The following STX8 variants were observed in gnomAD, a reference collection of about 807,000 sequenced individuals.
STX8 encodes the protein syntaxin 8.
A neutral mutation model predicts 37.5 loss-of-function variants in STX8; 23 were observed. That is an observed-to-expected ratio of 0.61 (90% CI 0.44 to 0.87). The LOEUF is 0.87. Ranked by LOEUF, STX8 falls within the 40% of genes least tolerant of loss-of-function variation. The probability of loss-of-function intolerance (pLI) is 0.00; values close to 1 mark genes in which losing one functional copy is unlikely to be tolerated. For missense variants in STX8, 313 were observed against 284.7 expected, an observed-to-expected ratio of 1.10 and a Z score of -0.71; for synonymous variants, 115 against 99.1, an observed-to-expected ratio of 1.16 and a Z score of -0.95.
chr17:9,397,988 C>CAAAAAAAAAAAAA (rs558392635), intron 6 of STX8, among the ~76,000 whole-genome samples: 1 of 87,080 alleles, frequency 1.1e-5, no homozygotes, highest in Admixed American at 1.2e-4. Flanking sequence ...ATTCTGTCTC[C>CAAAAAAAAAAAAA]AAAAAAAAAA....
At chr17:9,541,523 C>T (rs983708166) in intron 4 of STX8, among the ~76,000 whole-genome samples, 4 of 152,194 alleles carry the variant, frequency 2.6e-5, no homozygotes, top group African/African-American at 7.2e-5. Context: ...ATAGCAATCA[C>T]TTCATCTGGT....
intron 7 of STX8, among the ~76,000 whole-genome samples, chr17:9,303,439 T>C (rs754071024): frequency 6.6e-6 from 1 of 152,196 alleles, no homozygotes; most frequent in Non-Finnish European, 1.5e-5. Flanking sequence ...TCTGTTGTAG[T>C]ACCTTTACCC....
At chr17:9,490,396 G>A (rs1052342135) in intron 6 of STX8, among the ~76,000 whole-genome samples, 1 of 152,018 alleles carries the variant, frequency 6.6e-6, no homozygotes, top group African/African-American at 2.4e-5. Flanking sequence ...TTTTGAGACG[G>A]AGACTTGCTC....
intron 7 of STX8, among the ~76,000 whole-genome samples, chr17:9,287,058 C>A (rs1401174193): frequency 6.6e-6 from 1 of 152,154 alleles, no homozygotes; most frequent in Non-Finnish European, 1.5e-5. Flanking sequence ...GGTTATCTCT[C>A]CCCGCTCCCC....
chr17:9,570,378 ATACTG>A (rs1267553896), intron 1 of STX8, among the ~76,000 whole-genome samples: 1 of 152,064 alleles, frequency 6.6e-6, no homozygotes, highest in Non-Finnish European at 1.5e-5. Context: ...ACTAACCACT[ATACTG>A]TAAAGCAGCA....
chr17:9,429,963 A>G (rs1913854360), intron 6 of STX8, among the ~76,000 whole-genome samples: 1 of 1,822 alleles, frequency 5.5e-4, no homozygotes, highest in East Asian at 0.017. Context: ...TATAATATAT[A>G]TATTATATAT....
At chr17:9,450,089 T>C (rs934564625) in intron 6 of STX8, among the ~76,000 whole-genome samples, 2 of 151,814 alleles carry the variant, frequency 1.3e-5, no homozygotes, top group Non-Finnish European at 2.9e-5. Context: ...ACATGTAACT[T>C]TTTTTTTGAG....
intron 7 of STX8, among the ~76,000 whole-genome samples, chr17:9,299,635 G>C (rs929419106): frequency 8.6e-5 from 13 of 152,044 alleles, no homozygotes; most frequent in Admixed American, 6.6e-5. Context: ...AGTAGAGACA[G>C]GGTTTCACCG....
intron 5 of STX8, among the ~76,000 whole-genome samples, chr17:9,492,441 G>C (rs1648408596): frequency 6.6e-6 from 1 of 152,194 alleles, no homozygotes; most frequent in Non-Finnish European, 1.5e-5. Flanking sequence ...CTATGTAATA[G>C]GTGAATAAGT....
chr17:9,285,311 A>G (rs538655965), intron 7 of STX8, among the ~76,000 whole-genome samples: 4 of 152,254 alleles, frequency 2.6e-5, no homozygotes, highest in Non-Finnish European at 4.4e-5. Context: ...TGGTGGACGG[A>G]AACACTGTCT....
intron 7 of STX8, among the ~76,000 whole-genome samples, chr17:9,259,361 C>T (rs1906923216): frequency 6.6e-6 from 1 of 152,192 alleles, no homozygotes; most frequent in African/African-American, 2.4e-5. Flanking sequence ...CTAGTGGTCG[C>T]AGGTGCTCCG....
intron 5 of STX8, among the ~76,000 whole-genome samples, chr17:9,496,911 G>C (rs1261543717): frequency 1.3e-5 from 2 of 152,198 alleles, no homozygotes; most frequent in African/African-American, 2.4e-5. Context: ...CTAACTGCTT[G>C]ATCTGAGCCC....
intron 4 of STX8, among the ~76,000 whole-genome samples, chr17:9,524,763 TTTG>T (rs1905494809): frequency 8.5e-6 from 1 of 118,198 alleles, no homozygotes; most frequent in Non-Finnish European, 1.7e-5. Flanking sequence ...CCTATTTTGA[TTTG>T]TTTTGTTTTG....
intron 7 of STX8, among the ~76,000 whole-genome samples, chr17:9,320,730 T>TAA (rs34009379): frequency 1.4e-5 from 2 of 143,780 alleles, no homozygotes; most frequent in Admixed American, 7.0e-5. Context: ...TCATCTCTAT[T>TAA]AAAAAAAAAA....
intron 4 of STX8, among the ~76,000 whole-genome samples, chr17:9,543,298 T>TG (rs936375686): frequency 2.3e-4 from 6 of 25,786 alleles, no homozygotes; most frequent in Non-Finnish European, 3.2e-4. Flanking sequence ...GACAGTTTTT[T>TG]GGTTTTTTTT....
chr17:9,348,601 A>T (rs1910606144), intron 7 of STX8, among the ~76,000 whole-genome samples: 1 of 152,130 alleles, frequency 6.6e-6, no homozygotes, highest in Admixed American at 6.6e-5. Flanking sequence ...AATGAATCCA[A>T]TTCAAAGGCA....
At chr17:9,494,605 G>A (rs1907017039) in intron 5 of STX8, among the ~76,000 whole-genome samples, 1 of 70,442 alleles carries the variant, frequency 1.4e-5, no homozygotes, top group Non-Finnish European at 2.5e-5. Context: ...AACAGAGTGA[G>A]AACCTGTCTC....
chr17:9,291,221 A>C (rs1310094237), intron 7 of STX8, among the ~76,000 whole-genome samples: 1 of 152,034 alleles, frequency 6.6e-6, no homozygotes, highest in Admixed American at 6.6e-5. Flanking sequence ...GAAGCCGAAA[A>C]GTCACCCGAG....
chr17:9,517,003 G>T (rs1905177505), intron 4 of STX8, among the ~76,000 whole-genome samples: 1 of 152,120 alleles, frequency 6.6e-6, no homozygotes, highest in African/African-American at 2.4e-5. Context: ...ATCTTGGTGG[G>T]AGAAAGCAGA....
Sources: allele counts gnomAD v4.1 joint callset (sites outside exome capture counted in the v4.1 genomes callset), GRCh38; gene constraint gnomAD v4.1.1; transcripts MANE v1.5; gene names NCBI Gene and HGNC (gene_info 2026-07-23, HGNC 2026-07-21).